Variants in ILRUN observed in about 807,000 individuals in gnomAD.
ILRUN encodes the protein inflammation and lipid regulator with UBA-like and NBR1-like domains.
In ILRUN, 3 loss-of-function variants were observed where a neutral mutation model predicts 33.8. The observed-to-expected ratio is 0.09, with a 90% confidence interval of 0.04 to 0.23. The LOEUF is 0.23. Ranked by LOEUF, ILRUN falls within the 10% of genes least tolerant of loss-of-function variation. The pLI, the probability that ILRUN is intolerant of heterozygous loss-of-function variation, is 1.00. For missense variants in ILRUN, 210 were observed against 375.1 expected (o/e 0.56, Z 3.64); for synonymous variants, 124 against 138.9 (o/e 0.89, Z 0.75).
intron 3 of ILRUN, among the ~76,000 whole-genome samples, chr6:34,615,559 A>G (rs868846430): frequency 6.6e-6 from 1 of 152,118 alleles, no homozygotes; most frequent in Non-Finnish European, 1.5e-5. Context: ...TCATGCCACT[A>G]CACTCCAGCC....
chr6:34,611,030 G>A lies in ILRUN; in HGVS notation c.512-4126C>T, dbSNP rs1761736582. 2.7e-5 allele frequency among the ~76,000 whole-genome samples: 4 copies of A among 148,986 alleles called. No individual in the cohort carries two copies. The South Asian group carries it at 8.5e-4, about 31-fold the overall frequency. On this transcript the variant is annotated intron_variant, in intron 3 of 4. Coordinates refer to ENST00000374023, the MANE Select transcript of ILRUN (RefSeq NM_024294.4). ...GTTTGAGACCATTCTGGGCAACACA[G>A]TGAGACTTCTTTCCCCCTCCCCCTC...
rs112368547 is a variant in ILRUN at position 34,663,449 on chromosome 6, C to T, written c.159-8670G>A. 3.5e-3 allele frequency among the ~76,000 whole-genome samples: 531 copies of T among 152,170 alleles called. 4 individuals carry two copies. Among genetic ancestry groups the T allele is most frequent in the African/African-American group, 0.011 (469 of 41,518 alleles). ...AAGAAGAAAATGAAATTTAGATTTA[C>T]TCTTAAAATGAAAGGAGAGCACCTA... On this transcript the variant is annotated intron_variant, in intron 1 of 4. Coordinates refer to ENST00000374023, the MANE Select transcript of ILRUN (RefSeq NM_024294.4).
rs375408752 is a variant in ILRUN at position 34,590,514 on chromosome 6, C to T, written c.*51G>A. On this transcript the variant is annotated 3_prime_UTR_variant, in exon 5 of 5. Transcript: ENST00000374023. ...AGAGGAACCCCTTGCCCTAACCCCC[C>T]AAAGTCAGGCCTTCTGTCTTTTGTT... 51 of 1,612,856 alleles carry T rather than the reference C, an allele frequency of 3.2e-5. 1 individual carries two copies. The East Asian group carries it at 3.6e-4, about 11-fold the overall frequency.
At chr6:34,638,990 T>C (rs1162064755) in intron 3 of ILRUN, among the ~76,000 whole-genome samples, 3 of 152,222 alleles carry the variant, frequency 2.0e-5, no homozygotes, top group Non-Finnish European at 4.4e-5. Context: ...CCATAGCTTC[T>C]TTTGTAACAT....
chr6:34,676,071 T>C (rs1763222795), intron 1 of ILRUN, among the ~76,000 whole-genome samples: 1 of 152,062 alleles, frequency 6.6e-6, no homozygotes, highest in Non-Finnish European at 1.5e-5. Flanking sequence ...ACAAAAAACA[T>C]GCTATCCATA....
intron 3 of ILRUN, among the ~76,000 whole-genome samples, chr6:34,638,807 T>G (rs1034745630): frequency 2.0e-5 from 3 of 152,190 alleles, no homozygotes; most frequent in Non-Finnish European, 4.4e-5. Flanking sequence ...GTGAGCATCT[T>G]ATGGAGGATC....
intron 3 of ILRUN, among the ~76,000 whole-genome samples, chr6:34,613,339 C>T (rs76927231): frequency 0.058 from 8,801 of 152,224 alleles, 490 homozygotes; most frequent in East Asian, 0.31. Context: ...ATAATCTCAA[C>T]GATTCATACT....
chr6:34,664,461 G>T (rs954668329), intron 1 of ILRUN, among the ~76,000 whole-genome samples: 11 of 152,146 alleles, frequency 7.2e-5, no homozygotes, highest in Non-Finnish European at 1.3e-4. Flanking sequence ...GCATGCCACA[G>T]CACCGGGATC....
intron 1 of ILRUN, among the ~76,000 whole-genome samples, chr6:34,678,328 A>C (rs1402920725): frequency 1.3e-5 from 2 of 152,120 alleles, no homozygotes; most frequent in East Asian, 3.9e-4. Flanking sequence ...GGCGTGAGCC[A>C]CCACACCCGG....
chr6:34,690,792 A>G (rs1763633722), intron 1 of ILRUN, among the ~76,000 whole-genome samples: 1 of 119,586 alleles, frequency 8.4e-6, no homozygotes, highest in African/African-American at 3.0e-5. Flanking sequence ...AGGTTTAAAC[A>G]TAATTCTAAC....
chr6:34,591,618 G>A (rs573846000), intron 4 of ILRUN, among the ~76,000 whole-genome samples: 1 of 151,648 alleles, frequency 6.6e-6, no homozygotes, highest in East Asian at 1.9e-4. Flanking sequence ...TCCTGCCTCA[G>A]CCTCCCAAGT....
chr6:34,597,011 CTCCA>C (rs1252362633), intron 4 of ILRUN, among the ~76,000 whole-genome samples: 1 of 152,080 alleles, frequency 6.6e-6, no homozygotes, highest in Non-Finnish European at 1.5e-5. Flanking sequence ...TCCCTCCTCC[CTCCA>C]TACATCCTCC....
intron 2 of ILRUN, among the ~76,000 whole-genome samples, chr6:34,650,272 T>C (rs1490160921): frequency 6.6e-6 from 1 of 152,184 alleles, no homozygotes; most frequent in Non-Finnish European, 1.5e-5. Flanking sequence ...TTTACTAAGC[T>C]TCCAATGCTT....
intron 1 of ILRUN, among the ~76,000 whole-genome samples, chr6:34,677,562 A>G (rs558605242): frequency 1.3e-5 from 2 of 152,156 alleles, no homozygotes; most frequent in Admixed American, 1.3e-4. Context: ...TATATATATG[A>G]ACACACACTG....
At chr6:34,601,903 G>T (rs150892350) in intron 4 of ILRUN, among the ~76,000 whole-genome samples, 1 of 152,172 alleles carries the variant, frequency 6.6e-6, no homozygotes, top group African/African-American at 2.4e-5. Flanking sequence ...GGGGGTGGGG[G>T]AAGAGAATAA....
chr6:34,688,711 G>A (rs1430949461), intron 1 of ILRUN, among the ~76,000 whole-genome samples: 1 of 152,156 alleles, frequency 6.6e-6, no homozygotes, highest in Admixed American at 6.6e-5. Flanking sequence ...TACTTGGGAC[G>A]CTAAGGTAGG....
intron 2 of ILRUN, among the ~76,000 whole-genome samples, chr6:34,647,075 C>A (rs1426272162): frequency 6.6e-6 from 1 of 152,094 alleles, no homozygotes; most frequent in Non-Finnish European, 1.5e-5. Flanking sequence ...CCAGGGAAGG[C>A]CACACGTCAC....
intron 1 of ILRUN, among the ~76,000 whole-genome samples, chr6:34,656,871 A>G (rs775120116): frequency 6.6e-6 from 1 of 152,246 alleles, no homozygotes; most frequent in Non-Finnish European, 1.5e-5. Context: ...TATGTGCTTG[A>G]TAATATTTAC....
chr6:34,657,826 CATACTCAGCTATTATTAGCCAACAAGTA>C (rs1405968492), intron 1 of ILRUN, among the ~76,000 whole-genome samples: 2 of 152,194 alleles, frequency 1.3e-5, no homozygotes, highest in Non-Finnish European at 2.9e-5. Context: ...TTCAAAACAA[CATACTCAGCTATTATTAGCCAACAAGTA>C]ATTCTTCATG....
Sources: gnomAD v4.1 joint callset for allele counts (sites outside exome capture counted in the v4.1 genomes callset) on GRCh38, gnomAD v4.1.1 for gene constraint, MANE v1.5 for transcripts, NCBI Gene and HGNC (gene_info 2026-07-23, HGNC 2026-07-21) for gene names.